The following IFI27L1 variants were observed in gnomAD, a reference collection of about 807,000 sequenced individuals.
The protein encoded by IFI27L1 is interferon alpha-inducible protein 27-like protein 1.
Under a neutral mutation model 9.2 loss-of-function variants are expected in IFI27L1, and 3 were observed. The ratio of observed to expected loss-of-function variants is 0.32; its 90% CI spans 0.15 to 0.84. The LOEUF is 0.84. Ranked by LOEUF, IFI27L1 falls within the 40% of genes least tolerant of loss-of-function variation. The pLI, the probability that IFI27L1 is intolerant of heterozygous loss-of-function variation, is 0.56. For synonymous variants in IFI27L1, 53 were observed against 50.0 expected (o/e 1.06, Z -0.26); for missense variants, 133 against 134.2 (o/e 0.99, Z 0.05).
intron 1 of IFI27L1, among the ~76,000 whole-genome samples, chr14:94,086,601 A>G (rs1407090566): frequency 6.6e-6 from 1 of 152,262 alleles, no homozygotes; most frequent in East Asian, 1.9e-4. Flanking sequence ...ACAAAATACC[A>G]GTAACACTAT....
chr14:94,092,153 A>C (rs573611399), intron 1 of IFI27L1, among the ~76,000 whole-genome samples: 1 of 151,854 alleles, frequency 6.6e-6, no homozygotes, highest in African/African-American at 2.4e-5. Flanking sequence ...AAAAGAAAGA[A>C]AATCTTAAGA....
chr14:94,099,539 TAGA>T (rs1886814770), intron 2 of IFI27L1, among the ~76,000 whole-genome samples: 1 of 152,064 alleles, frequency 6.6e-6, no homozygotes, highest in African/African-American at 2.4e-5. Context: ...CACCAGAAGC[TAGA>T]AGGAGGCACA....
chr14:94,096,833 T>A (rs1194144006), intron 1 of IFI27L1, 54 bp from the exon 2 acceptor site: 2 of 949,164 alleles, frequency 2.1e-6, no homozygotes, highest in Non-Finnish European at 3.4e-6. Flanking sequence ...AGTTCTTTAT[T>A]AATGCAGCTT....
intron 4 of IFI27L1, 108 bp downstream of exon 4, chr14:94,102,083 G>T (rs971708937): frequency 2.5e-5 from 30 of 1,204,694 alleles, no homozygotes; most frequent in Admixed American, 7.4e-5. Flanking sequence ...TGCCTCTTGG[G>T]CCCTTTGTCT....
At chr14:94,099,424 G>A (rs1886809073) in intron 2 of IFI27L1, among the ~76,000 whole-genome samples, 2 of 152,166 alleles carry the variant, frequency 1.3e-5, no homozygotes, top group Non-Finnish European at 2.9e-5. Flanking sequence ...GGGAGAAGTT[G>A]TGAAATTTGC....
intron 3 of IFI27L1, 97 bp from the exon 4 acceptor site, chr14:94,101,717 A>G (rs1886903109): frequency 7.7e-7 from 1 of 1,302,844 alleles, no homozygotes; most frequent in Non-Finnish European, 1.1e-6. Context: ...TCCTGAGAGC[A>G]CAGCAGACCC....
At chr14:94,088,407 TG>T (rs1595389231) in intron 1 of IFI27L1, 1 of 698,538 alleles carries the variant, frequency 1.4e-6, no homozygotes. Context: ...GAAGCATTCT[TG>T]GTGGCCCACT....
intron 2 of IFI27L1, 50 bp downstream of exon 2, chr14:94,097,015 G>T (rs1403355674): frequency 6.6e-7 from 1 of 1,514,844 alleles, no homozygotes; most frequent in Non-Finnish European, 9.1e-7. Context: ...CGAGGTGAAT[G>T]CACTTTGTGT....
intron 1 of IFI27L1, among the ~76,000 whole-genome samples, chr14:94,086,231 C>T (rs983761810): frequency 2.0e-5 from 3 of 152,198 alleles, no homozygotes; most frequent in African/African-American, 7.2e-5. Context: ...TCTCATGTGC[C>T]TGCCCCCCTT....
At chr14:94,101,536 A>G (rs1401175815) in intron 3 of IFI27L1, among the ~76,000 whole-genome samples, 2 of 152,186 alleles carry the variant, frequency 1.3e-5, no homozygotes, top group Admixed American at 6.5e-5. Flanking sequence ...GCTTCAATGT[A>G]TTTATTTTAC....
At chr14:94,095,673 C>G (rs888955968) in intron 1 of IFI27L1, among the ~76,000 whole-genome samples, 1 of 152,078 alleles carries the variant, frequency 6.6e-6, no homozygotes, top group Non-Finnish European at 1.5e-5. Context: ...GTACCAGCCT[C>G]CTTTAAACAA....
At chr14:94,098,823 T>A (rs1886776649) in intron 2 of IFI27L1, among the ~76,000 whole-genome samples, 1 of 152,214 alleles carries the variant, frequency 6.6e-6, no homozygotes, top group African/African-American at 2.4e-5. Flanking sequence ...CATGTTCTCA[T>A]GCTTTGCATT....
intron 2 of IFI27L1, among the ~76,000 whole-genome samples, chr14:94,098,926 T>C (rs750655651): frequency 6.6e-5 from 10 of 152,236 alleles, no homozygotes; most frequent in Non-Finnish European, 1.5e-4. Context: ...CTCAAGGTCA[T>C]GCAGCTCTGA....
intron 1 of IFI27L1, among the ~76,000 whole-genome samples, chr14:94,085,923 T>A (rs1886264086): frequency 6.6e-6 from 1 of 152,244 alleles, no homozygotes; most frequent in Non-Finnish European, 1.5e-5. Flanking sequence ...AAGTGACTTA[T>A]GCCTGAGGCA....
chr14:94,100,390 C>G, intron 2 of IFI27L1: 2 of 985,406 alleles, frequency 2.0e-6, no homozygotes, highest in Non-Finnish European at 2.4e-6. Flanking sequence ...AGTCCCTGCC[C>G]CCGTGGCAGC....
intron 1 of IFI27L1, among the ~76,000 whole-genome samples, chr14:94,093,683 T>C (rs1012099496): frequency 5.3e-5 from 8 of 152,346 alleles, no homozygotes; most frequent in African/African-American, 9.6e-5. Flanking sequence ...GCTGTGGCCT[T>C]GAGGCAAGTT....
intron 1 of IFI27L1, among the ~76,000 whole-genome samples, chr14:94,089,825 G>A (rs761540875): frequency 8.6e-5 from 13 of 151,972 alleles, no homozygotes; most frequent in Non-Finnish European, 1.8e-4. Context: ...CTGAATAGGG[G>A]CGATGATATT....
chr14:94,089,245 G>T (rs986560851), intron 1 of IFI27L1: 1 of 152,212 alleles, frequency 6.6e-6, no homozygotes, highest in African/African-American at 2.4e-5. Context: ...CCATTCCATA[G>T]TCAGAATAGC....
intron 1 of IFI27L1, chr14:94,089,081 G>C (rs1381043981): frequency 6.6e-6 from 1 of 152,148 alleles, no homozygotes; most frequent in Non-Finnish European, 1.5e-5. Context: ...CTGGAGTGCA[G>C]TGGTTGGGTC....
Sources: gnomAD v4.1 joint callset for allele counts (sites outside exome capture counted in the v4.1 genomes callset) on GRCh38, gnomAD v4.1.1 for gene constraint, MANE v1.5 for transcripts, NCBI Gene and HGNC (gene_info 2026-07-23, HGNC 2026-07-21) for gene names.